The following HS6ST3 variants were observed in gnomAD, a reference collection of about 807,000 sequenced individuals.
HS6ST3 encodes the protein heparan-sulfate 6-O-sulfotransferase 3.
Under a neutral mutation model 36.7 loss-of-function variants are expected in HS6ST3, and 12 were observed. The observed-to-expected ratio is 0.33, with a 90% CI of 0.21 to 0.53. The LOEUF (loss-of-function observed/expected upper bound fraction) is 0.53, where lower values mean the gene tolerates loss of function less well. Among genes scored for constraint, HS6ST3 ranks in the 20% least tolerant of loss-of-function variants. The pLI is 0.95. For missense variants in HS6ST3, 584 were observed against 640.9 expected, an observed-to-expected ratio of 0.91 and a Z score of 0.96; for synonymous variants, 240 against 257.5, an observed-to-expected ratio of 0.93 and a Z score of 0.65.
At chr13:96,214,034 C>T (rs188721107) in intron 1 of HS6ST3, among the ~76,000 whole-genome samples, 6 of 152,250 alleles carry the variant, frequency 3.9e-5, no homozygotes, top group East Asian at 1.9e-4. Flanking sequence ...CTCTGCGGGT[C>T]CTCTCAGGTC....
chr13:96,139,714 A>G (rs2054021414), intron 1 of HS6ST3, among the ~76,000 whole-genome samples: 1 of 152,070 alleles, frequency 6.6e-6, no homozygotes, highest in Non-Finnish European at 1.5e-5. Context: ...GAAACATAGC[A>G]ATGATTACAA....
At chr13:96,162,404 A>G (rs1383705107) in intron 1 of HS6ST3, among the ~76,000 whole-genome samples, 1 of 152,242 alleles carries the variant, frequency 6.6e-6, no homozygotes, top group Non-Finnish European at 1.5e-5. Context: ...TAGGTAGGCG[A>G]CAGCGCCACT....
intron 1 of HS6ST3, among the ~76,000 whole-genome samples, chr13:96,224,018 C>A (rs1049019500): frequency 6.6e-6 from 1 of 151,982 alleles, no homozygotes; most frequent in South Asian, 2.1e-4. Flanking sequence ...CTCTTCTCTC[C>A]TCTCCTTTTG....
intron 1 of HS6ST3, among the ~76,000 whole-genome samples, chr13:96,780,768 G>A (rs1877505499): frequency 6.6e-6 from 1 of 152,034 alleles, no homozygotes; most frequent in Non-Finnish European, 1.5e-5. Flanking sequence ...AGAAGATAGA[G>A]TGGAATTGAG....
At chr13:96,112,802 GACA>G (rs1302937018) in intron 1 of HS6ST3, among the ~76,000 whole-genome samples, 2 of 151,066 alleles carry the variant, frequency 1.3e-5, no homozygotes, top group Non-Finnish European at 3.0e-5. Flanking sequence ...GTATAGTGAA[GACA>G]ACATAACTTA....
intron 1 of HS6ST3, among the ~76,000 whole-genome samples, chr13:96,769,562 G>A (rs894371161): frequency 5.3e-5 from 8 of 150,090 alleles, no homozygotes; most frequent in Middle Eastern, 3.2e-3. Flanking sequence ...ATTGTTTTAG[G>A]ACCATTTAAA....
intron 1 of HS6ST3, among the ~76,000 whole-genome samples, chr13:96,615,188 A>G (rs2056469966): frequency 1.3e-5 from 2 of 152,250 alleles, no homozygotes; most frequent in South Asian, 4.1e-4. Flanking sequence ...AAACTGTAAC[A>G]TGCTTTGTAA....
At chr13:96,288,077 C>T (rs941666330) in intron 1 of HS6ST3, among the ~76,000 whole-genome samples, 8 of 152,096 alleles carry the variant, frequency 5.3e-5, no homozygotes, top group African/African-American at 1.9e-4. Context: ...TGTTGGGACT[C>T]ACTGCAGATT....
intron 1 of HS6ST3, among the ~76,000 whole-genome samples, chr13:96,698,169 A>G (rs1350434812): frequency 6.6e-6 from 1 of 152,090 alleles, no homozygotes; most frequent in African/African-American, 2.4e-5. Context: ...AACATTAGGT[A>G]TATCTCCCAA....
At chr13:96,715,989 A>T (rs1875685770) in intron 1 of HS6ST3, among the ~76,000 whole-genome samples, 1 of 152,052 alleles carries the variant, frequency 6.6e-6, no homozygotes, top group Non-Finnish European at 1.5e-5. Context: ...TAATCATCGT[A>T]TAATCTTCTG....
intron 1 of HS6ST3, among the ~76,000 whole-genome samples, chr13:96,377,035 G>T (rs904770707): frequency 2.7e-5 from 4 of 147,230 alleles, no homozygotes; most frequent in Admixed American, 6.8e-5. Context: ...TTGTTTTTAT[G>T]GATTTATCAA....
intron 1 of HS6ST3, among the ~76,000 whole-genome samples, chr13:96,428,603 C>A (rs530489320): frequency 1.3e-5 from 2 of 152,174 alleles, no homozygotes; most frequent in Admixed American, 1.3e-4. Flanking sequence ...ACCCCAATGA[C>A]CTCATTTAAT....
At chr13:96,241,738 A>G (rs1391840013) in intron 1 of HS6ST3, among the ~76,000 whole-genome samples, 1 of 151,388 alleles carries the variant, frequency 6.6e-6, no homozygotes, top group East Asian at 1.9e-4. Flanking sequence ...GAACAGAATT[A>G]TGAGCTCAAA....
At chr13:96,765,904 C>T (rs1877101018) in intron 1 of HS6ST3, among the ~76,000 whole-genome samples, 1 of 151,950 alleles carries the variant, frequency 6.6e-6, no homozygotes. Flanking sequence ...GTAATAAATG[C>T]CATTACAGTT....
At chr13:96,455,774 A>C (rs1305284272) in intron 1 of HS6ST3, among the ~76,000 whole-genome samples, 1 of 152,220 alleles carries the variant, frequency 6.6e-6, no homozygotes, top group East Asian at 1.9e-4. Context: ...ACCAGTGTGA[A>C]CTATTTATTC....
intron 1 of HS6ST3, among the ~76,000 whole-genome samples, chr13:96,691,958 A>G (rs1036293203): frequency 2.6e-5 from 4 of 152,132 alleles, no homozygotes; most frequent in African/African-American, 7.2e-5. Context: ...GAGAAACAGC[A>G]TTCAAATTTG....
intron 1 of HS6ST3, among the ~76,000 whole-genome samples, chr13:96,274,508 A>G (rs1479925112): frequency 1.3e-5 from 2 of 152,134 alleles, no homozygotes; most frequent in East Asian, 1.9e-4. Flanking sequence ...ACCATTAATA[A>G]GGTAGTTGGG....
In HS6ST3 at chr13:96,090,331, G is replaced by C. The variant is rs1265384673; in HGVS notation, c.-532G>C. Among the ~76,000 whole-genome samples the C allele has an allele frequency of 1.4e-5, 2 of 147,356 alleles. No homozygotes were observed. Among genetic ancestry groups the C allele is most frequent in the East Asian group, 3.9e-4 (2 of 5,084 alleles). ...AGCCCCGCGACCTGCCGGCAAAGGC[G>C]CCGGGCGCGCGTGCCGGGCGCGGTG... On this transcript the variant is annotated 5_prime_UTR_variant, in exon 1 of 2. Transcript: ENST00000376705.
At chr13:96,318,727 C>G (rs114243915) in intron 1 of HS6ST3, among the ~76,000 whole-genome samples, 3,827 of 152,020 alleles carry the variant, frequency 0.025, 163 homozygotes, top group African/African-American at 0.089. Context: ...TCTGAGCTTT[C>G]TATTCGGTTC....
Sources: allele counts gnomAD v4.1 joint callset (sites outside exome capture counted in the v4.1 genomes callset), GRCh38; gene constraint gnomAD v4.1.1; transcripts MANE v1.5; gene names NCBI Gene and HGNC (gene_info 2026-07-23, HGNC 2026-07-21).